SIL1: variants seen among roughly 807,000 people sequenced by gnomAD.
The protein encoded by SIL1 is SIL1 nucleotide exchange factor, also known as nucleotide exchange factor SIL1.
In SIL1, 40 loss-of-function variants were observed where a neutral mutation model predicts 49.1. The ratio of observed to expected loss-of-function variants is 0.81; its 90% CI spans 0.63 to 1.06. The LOEUF (loss-of-function observed/expected upper bound fraction) is 1.06, where lower values mean the gene tolerates loss of function less well. SIL1 is among the 50% of genes least tolerant of loss of function. SIL1 has a pLI of 0.00. For missense variants in SIL1, 500 were observed against 572.6 expected (o/e 0.87, Z 1.29); for synonymous variants, 253 against 250.8 (o/e 1.01, Z -0.08).
intron 1 of SIL1, among the ~76,000 whole-genome samples, chr5:139,175,577 T>C (rs1039715830): frequency 1.3e-5 from 2 of 152,222 alleles, no homozygotes; most frequent in African/African-American, 4.8e-5. Context: ...TTCTCAAACT[T>C]TTCCAAAACA....
At chr5:139,076,577 C>A (rs1200622423) in intron 3 of SIL1, among the ~76,000 whole-genome samples, 1 of 152,170 alleles carries the variant, frequency 6.6e-6, no homozygotes, top group Non-Finnish European at 1.5e-5. Context: ...AATCTCTGGG[C>A]TACAGTACCT....
rs112187983 is a variant in SIL1, at chr5:139,142,997, T to C, written c.-10-15144A>G. On this transcript the variant is annotated intron_variant, in intron 1 of 9. Transcript: ENST00000394817. The stretch of plus-strand genomic sequence containing the variant: ...GTTAGCCAGGATGGTCTCAATCTCC[T>C]GACCTCGTGATCCGCCCACCTTGGC... Among the ~76,000 whole-genome samples, 742 of 152,076 alleles carry C rather than the reference T, an allele frequency of 4.9e-3. 1 individual carries two copies. Among genetic ancestry groups the C allele is most frequent in the African/African-American group, 0.017 (709 of 41,468 alleles).
chr5:139,087,162 T>C (rs1173179121), intron 3 of SIL1, among the ~76,000 whole-genome samples: 6 of 151,894 alleles, frequency 4.0e-5, no homozygotes, highest in Non-Finnish European at 5.9e-5. Flanking sequence ...CCCCAACTCA[T>C]ACTCCACTCT....
At chr5:138,951,971 T>C in intron 7 of SIL1, 87 bp from the exon 8 acceptor site, 1 of 1,201,454 alleles carries the variant, frequency 8.3e-7, no homozygotes, top group Non-Finnish European at 1.2e-6. Context: ...CAGCCATCCC[T>C]GGGGAGAAAC....
intron 3 of SIL1, among the ~76,000 whole-genome samples, chr5:139,116,175 T>C (rs1384846717): frequency 1.3e-5 from 2 of 152,218 alleles, no homozygotes; most frequent in African/African-American, 4.8e-5. Context: ...GAGTAGTTGG[T>C]CTACTATAAA....
intron 5 of SIL1, among the ~76,000 whole-genome samples, chr5:139,037,709 C>A (rs1393553100): frequency 1.3e-5 from 2 of 151,928 alleles, no homozygotes; most frequent in Non-Finnish European, 2.9e-5. Context: ...TTTTTCTTAT[C>A]TTCTGTTTCC....
chr5:139,063,835 T>C (rs1769645315), intron 3 of SIL1, among the ~76,000 whole-genome samples: 1 of 152,202 alleles, frequency 6.6e-6, no homozygotes, highest in East Asian at 1.9e-4. Flanking sequence ...TTGTTTTTCA[T>C]AATATTTATT....
At chr5:139,073,318 G>T (rs11743534) in intron 3 of SIL1, among the ~76,000 whole-genome samples, 59,201 of 151,888 alleles carry the variant, frequency 0.39, 12,111 homozygotes, top group Middle Eastern at 0.46. Context: ...CATCAATGCA[G>T]GAATAGAATA....
intron 1 of SIL1, among the ~76,000 whole-genome samples, chr5:139,165,436 C>T (rs1295544010): frequency 6.6e-6 from 1 of 151,422 alleles, no homozygotes; most frequent in African/African-American, 2.4e-5. Flanking sequence ...GCAACCTCCA[C>T]CTCCCAGGTT....
At chr5:139,048,951 G>T (rs975385867) in intron 4 of SIL1, among the ~76,000 whole-genome samples, 24 of 152,338 alleles carry the variant, frequency 1.6e-4, no homozygotes, top group Admixed American at 1.2e-3. Context: ...TGGAGTGACT[G>T]TAAGGAGAAC....
intron 7 of SIL1, among the ~76,000 whole-genome samples, chr5:138,995,871 T>C (rs982236838): frequency 6.6e-6 from 1 of 152,238 alleles, no homozygotes; most frequent in African/African-American, 2.4e-5. Flanking sequence ...ATTCCCTCCA[T>C]GTTGCTGCAT....
chr5:139,040,472 G>T (rs533572873), intron 5 of SIL1, among the ~76,000 whole-genome samples: 43 of 148,570 alleles, frequency 2.9e-4, no homozygotes, highest in Admixed American at 1.4e-3. Context: ...CAAGGGGAGA[G>T]GAGTATTTTT....
chr5:139,056,291 G>A (rs1381241796), intron 3 of SIL1, among the ~76,000 whole-genome samples: 4 of 144,216 alleles, frequency 2.8e-5, no homozygotes, highest in African/African-American at 1.0e-4. Flanking sequence ...GCCGCCCATC[G>A]TCTGAGATGT....
chr5:138,947,367 C>G lies in SIL1; in HGVS notation c.1136G>C (p.Cys379Ser), dbSNP rs1183235569. 1 of 1,613,730 alleles carries G rather than the reference C, an allele frequency of 6.2e-7. No individual in the cohort carries two copies. The highest frequency in any genetic ancestry group is 2.2e-5 in the East Asian group (1 of 44,878). ...LLPGLWEQGW[C>S]EITAHLLALP... The stretch of plus-strand genomic sequence containing the variant: ...CGCCAGGAGGTGGGCCGTGATCTCG[C>G]ACCAGCCCTGTTCCCACAGGCCTGG... The change falls in exon 10 of 10, where the codon TGC (cysteine) becomes TCC (serine). Residue 379 changes from cysteine to serine, a missense_variant. Physicochemically the swap from Cys to Ser is moderately radical, Grantham distance 112. Transcript: ENST00000394817. This position sits in a 1 kb window ranked among gnomAD's most constrained non-coding sequence, Gnocchi z 4.1.
intron 7 of SIL1, among the ~76,000 whole-genome samples, chr5:138,962,489 C>T (rs894774275): frequency 2.6e-5 from 4 of 152,248 alleles, no homozygotes; most frequent in African/African-American, 9.6e-5. Flanking sequence ...GGATTAATAA[C>T]AATAATATTT....
At chr5:138,962,615 A>G (rs1468867575) in intron 7 of SIL1, among the ~76,000 whole-genome samples, 1 of 152,276 alleles carries the variant, frequency 6.6e-6, no homozygotes, top group African/African-American at 2.4e-5. Context: ...TATACCATTT[A>G]ACAAAAATTA....
intron 3 of SIL1, among the ~76,000 whole-genome samples, chr5:139,104,722 T>C (rs1466537216): frequency 6.6e-6 from 1 of 152,212 alleles, no homozygotes; most frequent in Non-Finnish European, 1.5e-5. Context: ...CCAATCTTTT[T>C]GTTTGAATTG....
At chr5:139,043,083 G>A (rs1290665741) in intron 4 of SIL1, among the ~76,000 whole-genome samples, 1 of 152,208 alleles carries the variant, frequency 6.6e-6, no homozygotes, top group Non-Finnish European at 1.5e-5. Context: ...GTGAGGCCAG[G>A]CCAGCTGAGT....
At chr5:139,159,196 C>G (rs1386350210) in intron 1 of SIL1, among the ~76,000 whole-genome samples, 1 of 152,172 alleles carries the variant, frequency 6.6e-6, no homozygotes, top group East Asian at 1.9e-4. Context: ...AACACTGATG[C>G]CATCCAATTC....
Sources: allele counts gnomAD v4.1 joint callset (sites outside exome capture counted in the v4.1 genomes callset), GRCh38; gene constraint gnomAD v4.1.1; non-coding constraint Gnocchi (gnomAD v3.1); transcripts MANE v1.5; gene names NCBI Gene and HGNC (gene_info 2026-07-23, HGNC 2026-07-21).